ASAP2: variants seen among roughly 807,000 people sequenced by gnomAD.
ASAP2 encodes the protein ArfGAP with SH3 domain, ankyrin repeat and PH domain 2, also known as arf-GAP with SH3 domain, ANK repeat and PH domain-containing protein 2.
A neutral mutation model predicts 131.4 loss-of-function variants in ASAP2; 45 were observed. The observed-to-expected ratio is 0.34, with a 90% CI of 0.27 to 0.44. The LOEUF (loss-of-function observed/expected upper bound fraction) is 0.44. Among genes scored for constraint, ASAP2 ranks in the 20% least tolerant of loss-of-function variants. The pLI is 1.00. For missense variants in ASAP2, 1,011 were observed against 1,297.0 expected, an observed-to-expected ratio of 0.78 and a Z score of 3.39; for synonymous variants, 510 against 503.0, an observed-to-expected ratio of 1.01 and a Z score of -0.19.
chr2:9,347,075 C>T (rs1672014622), intron 11 of ASAP2, among the ~76,000 whole-genome samples: 1 of 39,670 alleles, frequency 2.5e-5, no homozygotes, highest in African/African-American at 3.6e-5. Context: ...CAGAGGTCTC[C>T]TCCTGCCTTT....
chr2:9,209,154 G>A (rs184534553), intron 1 of ASAP2, among the ~76,000 whole-genome samples: 4 of 152,298 alleles, frequency 2.6e-5, no homozygotes, highest in Admixed American at 6.5e-5. Context: ...TCATGCTGCC[G>A]TCTAAGCCCA....
At chr2:9,214,658 T>C (rs1661870535) in intron 1 of ASAP2, among the ~76,000 whole-genome samples, 1 of 152,152 alleles carries the variant, frequency 6.6e-6, no homozygotes, top group African/African-American at 2.4e-5. Flanking sequence ...GATGGTCATT[T>C]CTATGAAGGG....
At position 9,356,302 on chromosome 2, in the gene ASAP2, G is replaced by T; in HGVS notation, c.1284G>T (p.Gln428His). Residue 428 changes from glutamine (Q) to histidine (H), a missense_variant, in exon 14 of 28, where the codon CAG (glutamine) becomes CAT (histidine). Around this residue, in one of 2 missense-constraint regions of ASAP2, gnomAD observed 359 missense variants for 598.1 expected, o/e 0.60. Transcript: ENST00000281419. Reference protein sequence around the residue: ...ELTKEIISEVQRMTGNDVCCD... With the variant: ...ELTKEIISEVHRMTGNDVCCD... ...CAAAGGAGATCATCTCAGAAGTGCA[G>T]AGGATGACGGGCAATGACGTCTGCT... is the stretch of plus-strand genomic sequence containing the variant. The T allele has an allele frequency of 6.2e-7, 1 of 1,612,668 alleles. No individual in the cohort carries two copies. Among genetic ancestry groups the T allele is most frequent in the Non-Finnish European group, 8.5e-7 (1 of 1,179,276 alleles).
chr2:9,397,972 A>G (rs1375987457), intron 24 of ASAP2, among the ~76,000 whole-genome samples: 3 of 150,698 alleles, frequency 2.0e-5, no homozygotes, highest in Non-Finnish European at 3.0e-5. Flanking sequence ...GTTAGCCAAG[A>G]TGGTCTCGAT....
intron 6 of ASAP2, among the ~76,000 whole-genome samples, chr2:9,326,850 G>A (rs1419210309): frequency 6.6e-6 from 1 of 152,184 alleles, no homozygotes; most frequent in African/African-American, 2.4e-5. Flanking sequence ...AAACAGGATA[G>A]CAGTGTATCT....
At position 9,249,903 on chromosome 2, in the gene ASAP2, G is replaced by A. The variant is rs564743489; in HGVS notation, c.127-29414G>A. Among the ~76,000 whole-genome samples, 38 of 152,328 alleles carry A rather than the reference G, an allele frequency of 2.5e-4. 1 individual carries two copies. The South Asian group carries it at 3.9e-3, about 16-fold the overall frequency. On this transcript the variant is annotated intron_variant, in intron 1 of 27. Transcript: ENST00000281419. ...TGGGCTGGTCCTGCTCAGGATCTGT[G>A]AGAAGTATGTAGGAACATTGGGCCA...
intron 1 of ASAP2, among the ~76,000 whole-genome samples, chr2:9,213,124 A>C (rs927399535): frequency 6.6e-6 from 1 of 152,242 alleles, no homozygotes; most frequent in Non-Finnish European, 1.5e-5. Context: ...CATGCATAAC[A>C]TGGGGATAGA....
chr2:9,303,842 C>T (rs1194131351), intron 3 of ASAP2, among the ~76,000 whole-genome samples: 1 of 152,176 alleles, frequency 6.6e-6, no homozygotes, highest in Non-Finnish European at 1.5e-5. Flanking sequence ...ACGGTAACCC[C>T]CATACAGAGA....
chr2:9,207,319 T>G lies in ASAP2; in HGVS notation c.126+89T>G. ...CCCGCATCCGCATCCCGAGAAAACT[T>G]TCTTTGCTCCGAAGCCGGACGCGGC... On this transcript the variant is annotated intron_variant, in intron 1 of 27. Coordinates refer to ENST00000281419, the MANE Select transcript of ASAP2 (RefSeq NM_003887.3). This position sits in a 1 kb window ranked among gnomAD's most constrained non-coding sequence, Gnocchi z 4.1. The G allele has an allele frequency of 7.0e-7, 1 of 1,420,478 alleles. No individual in the cohort carries two copies. Among genetic ancestry groups the G allele is most frequent in the South Asian group, 1.4e-5 (1 of 72,318 alleles). The allele number at this position is 1,420,478 out of a possible 1,614,324, so 88.0% of individuals were successfully genotyped here.
chr2:9,400,811 T>C lies in ASAP2; in HGVS notation c.2804T>C (p.Met935Thr). ...NAMVLQPPAP[M>T]PRKSQATKLK... The stretch of plus-strand genomic sequence containing the variant: ...ATGGTCCTGCAGCCCCCTGCACCCA[T>C]GCCTAGGAAGTCGCAGGCAGTAAGT... Residue 935 changes from methionine (M) to threonine (T), a missense_variant, in exon 26 of 28, where the codon ATG (methionine) becomes ACG (threonine). Physicochemically the swap from Met to Thr is moderately conservative, Grantham distance 81. Around this residue, in one of 2 missense-constraint regions of ASAP2, gnomAD observed 652 missense variants for 698.9 expected, o/e 0.93. Transcript: ENST00000281419. 1 of 1,613,632 alleles carries C rather than the reference T, an allele frequency of 6.2e-7. No individual in the cohort carries two copies.
At chr2:9,323,763 G>A (rs542742085) in intron 6 of ASAP2, among the ~76,000 whole-genome samples, 1 of 152,290 alleles carries the variant, frequency 6.6e-6, no homozygotes, top group East Asian at 1.9e-4. Flanking sequence ...GGCCCAGGTG[G>A]CCTGGGGAGC....
intron 2 of ASAP2, among the ~76,000 whole-genome samples, chr2:9,295,177 A>G (rs774073850): frequency 2.1e-4 from 32 of 152,216 alleles, no homozygotes; most frequent in Non-Finnish European, 4.4e-5. Context: ...TGACAAGGTA[A>G]ACTTTTTAAC....
At chr2:9,332,354 C>T (rs951306014) in intron 7 of ASAP2, among the ~76,000 whole-genome samples, 3 of 152,048 alleles carry the variant, frequency 2.0e-5, no homozygotes, top group Middle Eastern at 3.2e-3. Context: ...TTTGAAGGGG[C>T]GTCTGGGTGC....
chr2:9,379,580 C>T (rs1259795608), intron 19 of ASAP2, among the ~76,000 whole-genome samples: 1 of 152,102 alleles, frequency 6.6e-6, no homozygotes, highest in Non-Finnish European at 1.5e-5. Context: ...AGCCAAGGCA[C>T]AGTTGTGCCT....
intron 24 of ASAP2, chr2:9,399,624 C>G (rs977367214): frequency 8.4e-6 from 2 of 239,188 alleles, no homozygotes; most frequent in African/African-American, 4.5e-5. Context: ...CCAGAGTGCT[C>G]GGACCCGTCC....
chr2:9,302,356 A>G (rs1668554986), intron 3 of ASAP2, among the ~76,000 whole-genome samples: 1 of 150,858 alleles, frequency 6.6e-6, no homozygotes, highest in Admixed American at 6.6e-5. Context: ...TATTTTTAGC[A>G]GAGACGGAGT....
At chr2:9,374,489 G>A (rs1276988415) in intron 16 of ASAP2, among the ~76,000 whole-genome samples, 2 of 152,206 alleles carry the variant, frequency 1.3e-5, no homozygotes, top group Admixed American at 1.3e-4. Flanking sequence ...ACAGAACTTA[G>A]GAGTGAGGGG....
intron 6 of ASAP2, among the ~76,000 whole-genome samples, chr2:9,324,263 G>C (rs1470435891): frequency 1.3e-5 from 2 of 152,212 alleles, no homozygotes; most frequent in African/African-American, 4.8e-5. Context: ...ATTTAAATGA[G>C]TTTTTATTCC....
chr2:9,313,147 A>C (rs1046855891), intron 3 of ASAP2, among the ~76,000 whole-genome samples: 3 of 152,166 alleles, frequency 2.0e-5, no homozygotes, highest in African/African-American at 7.2e-5. Flanking sequence ...CAGAGGTCAC[A>C]CTCACTGCTG....
Sources: gnomAD v4.1 joint callset for allele counts (sites outside exome capture counted in the v4.1 genomes callset) on GRCh38, gnomAD v4.1.1 for gene constraint, gnomAD v4.1.1 regional missense constraint, Gnocchi (gnomAD v3.1) non-coding constraint, MANE v1.5 for transcripts, NCBI Gene and HGNC (gene_info 2026-07-23, HGNC 2026-07-21) for gene names.